The following FTO variants were observed in gnomAD, a reference collection of about 807,000 sequenced individuals.
FTO encodes alpha-ketoglutarate-dependent dioxygenase FTO.
FTO carries 47 observed loss-of-function variants against 63.9 expected under a neutral mutation model. That is an observed-to-expected ratio of 0.74 (90% CI 0.58 to 0.94). The LOEUF (loss-of-function observed/expected upper bound fraction) is 0.94. Ranked by LOEUF, FTO falls within the 40% of genes least tolerant of loss-of-function variation. FTO has a pLI of 0.00. For synonymous variants in FTO, 207 were observed against 224.4 expected (o/e 0.92, Z 0.69); for missense variants, 562 against 618.1 (o/e 0.91, Z 0.96).
At chr16:53,976,260 T>C (rs1455114490) in intron 8 of FTO, among the ~76,000 whole-genome samples, 3 of 152,186 alleles carry the variant, frequency 2.0e-5, no homozygotes, top group African/African-American at 7.2e-5. Context: ...ATAGTTTTGT[T>C]TTCAGTGTTT....
At chr16:53,775,872 G>A (rs765097446) in intron 1 of FTO, among the ~76,000 whole-genome samples, 1 of 152,038 alleles carries the variant, frequency 6.6e-6, no homozygotes, top group African/African-American at 2.4e-5. Flanking sequence ...GGTTTACTAA[G>A]GCATTTTAAT....
upstream of FTO, chr16:53,704,106 G>A (rs538451036): frequency 3.5e-5 from 48 of 1,375,914 alleles, no homozygotes; most frequent in African/African-American, 6.2e-4. Flanking sequence ...AGGACGCTGA[G>A]AGAACTACAT....
At chr16:53,765,499 G>T (rs2077178427) in intron 1 of FTO, among the ~76,000 whole-genome samples, 1 of 149,424 alleles carries the variant, frequency 6.7e-6, no homozygotes, top group African/African-American at 2.5e-5. Flanking sequence ...AGGTTGCAGT[G>T]AGCCGAGAGA....
At chr16:54,011,427 C>T (rs2084331042) in intron 8 of FTO, among the ~76,000 whole-genome samples, 1 of 152,182 alleles carries the variant, frequency 6.6e-6, no homozygotes, top group African/African-American at 2.4e-5. Context: ...TATGAGAAAG[C>T]AGGACCCTAT....
At chr16:53,704,113 A>G, upstream of FTO, 2 of 1,413,620 alleles carry the variant, frequency 1.4e-6, no homozygotes, top group East Asian at 2.5e-5. Context: ...TGAGAGAACT[A>G]CATGCAGGAG....
intron 8 of FTO, among the ~76,000 whole-genome samples, chr16:54,013,787 T>C (rs889181960): frequency 1.3e-5 from 2 of 152,240 alleles, no homozygotes; most frequent in African/African-American, 4.8e-5. Flanking sequence ...TAGTCTGCTA[T>C]GCATGCAATA....
intron 7 of FTO, among the ~76,000 whole-genome samples, chr16:53,905,792 TAACAC>T (rs757289371): frequency 6.6e-6 from 1 of 152,218 alleles, no homozygotes; most frequent in Non-Finnish European, 1.5e-5. Flanking sequence ...AACAAAGTCA[TAACAC>T]AACACATATT....
At chr16:54,086,747 G>A (rs182578091) in intron 8 of FTO, among the ~76,000 whole-genome samples, 1 of 152,258 alleles carries the variant, frequency 6.6e-6, no homozygotes, top group African/African-American at 2.4e-5. Flanking sequence ...TTTAGAGCTT[G>A]TTGTCTTCTT....
At chr16:53,823,001 T>G (rs1176849567) in intron 2 of FTO, among the ~76,000 whole-genome samples, 1 of 152,198 alleles carries the variant, frequency 6.6e-6, no homozygotes, top group Admixed American at 6.5e-5. Context: ...CTAGCCTTCT[T>G]CTTTATCAAA....
chr16:53,704,233 T>C lies in FTO; in HGVS notation c.45+4T>C, dbSNP rs745470696. 3.2e-6 allele frequency: 5 copies of C among 1,551,394 alleles called. No homozygotes were observed. The highest frequency in any genetic ancestry group is 4.4e-6 in the Non-Finnish European group (5 of 1,146,776). On this transcript the variant is annotated splice_donor_region_variant and intron_variant, in intron 1 of 8. Coordinates refer to ENST00000471389, the MANE Select transcript of FTO (RefSeq NM_001080432.3). ...GGAACGAGAGCGCGAAGCTAAGGTA[T>C]GTCGGGCTCCCGGGGCCTGGAGATC... is the stretch of plus-strand genomic sequence containing the variant.
chr16:53,733,808 T>C (rs1421516379), intron 1 of FTO, among the ~76,000 whole-genome samples: 3 of 152,246 alleles, frequency 2.0e-5, no homozygotes, highest in South Asian at 4.1e-4. Context: ...AAGAACATTA[T>C]ATAAGGATTT....
At chr16:53,779,187 C>T (rs370495136) in intron 1 of FTO, among the ~76,000 whole-genome samples, 13 of 152,082 alleles carry the variant, frequency 8.5e-5, no homozygotes, top group African/African-American at 3.1e-4. Context: ...GTGAATATAG[C>T]CTAGACTTGA....
intron 4 of FTO, among the ~76,000 whole-genome samples, chr16:53,870,391 C>A (rs1440229815): frequency 6.6e-6 from 1 of 152,126 alleles, no homozygotes; most frequent in Non-Finnish European, 1.5e-5. Flanking sequence ...AACTCTCAGT[C>A]CCGTCTACGT....
chr16:53,819,029 A>G (rs1348919522), intron 2 of FTO, among the ~76,000 whole-genome samples: 1 of 152,158 alleles, frequency 6.6e-6, no homozygotes, highest in African/African-American at 2.4e-5. Flanking sequence ...CATTGTAATA[A>G]TTTGCATTCC....
intron 8 of FTO, among the ~76,000 whole-genome samples, chr16:54,085,052 C>A (rs905265832): frequency 6.8e-6 from 1 of 147,332 alleles, no homozygotes; most frequent in Non-Finnish European, 1.5e-5. Context: ...GCCTTACTTA[C>A]TGCTCCCTAA....
chr16:53,760,365 C>T (rs2077036666), intron 1 of FTO, among the ~76,000 whole-genome samples: 1 of 151,742 alleles, frequency 6.6e-6, no homozygotes, highest in African/African-American at 2.4e-5. Context: ...CCTGCCTCAG[C>T]CTCCCAAATA....
intron 6 of FTO, among the ~76,000 whole-genome samples, chr16:53,887,540 A>T (rs74733363): frequency 6.6e-6 from 1 of 152,242 alleles, no homozygotes. Flanking sequence ...CATCGGAAGG[A>T]AAGTCAAGTT....
chr16:54,101,524 G>A (rs2086643112), intron 8 of FTO, among the ~76,000 whole-genome samples: 1 of 152,088 alleles, frequency 6.6e-6, no homozygotes, highest in South Asian at 2.1e-4. Context: ...TGGCTTTATT[G>A]TATTCCAGGG....
intron 8 of FTO, among the ~76,000 whole-genome samples, chr16:53,950,921 T>G (rs1479266692): frequency 6.6e-6 from 1 of 152,206 alleles, no homozygotes; most frequent in Non-Finnish European, 1.5e-5. Flanking sequence ...CCTAGGCTCT[T>G]TCCTACAGAA....
Sources: gnomAD v4.1 joint callset for allele counts (sites outside exome capture counted in the v4.1 genomes callset) on GRCh38, gnomAD v4.1.1 for gene constraint, MANE v1.5 for transcripts, NCBI Gene and HGNC (gene_info 2026-07-23, HGNC 2026-07-21) for gene names.